Variants in GRIN2A observed in about 807,000 individuals in gnomAD.
GRIN2A encodes the protein glutamate receptor ionotropic, NMDA 2A.
Under a neutral mutation model 113.4 loss-of-function variants are expected in GRIN2A, and 22 were observed. The observed-to-expected ratio is 0.19, with a 90% confidence interval of 0.14 to 0.28. The LOEUF (loss-of-function observed/expected upper bound fraction) is 0.28, where lower values mean the gene tolerates loss of function less well. GRIN2A is among the 10% of genes least tolerant of loss of function. The pLI is 1.00. For missense variants in GRIN2A, 1,502 were observed against 1,887.0 expected, an observed-to-expected ratio of 0.80 and a Z score of 3.78; for synonymous variants, 827 against 738.4, an observed-to-expected ratio of 1.12 and a Z score of -1.94.
At chr16:9,840,305 TATAATA>T (rs970533594) in intron 7 of GRIN2A, among the ~76,000 whole-genome samples, 1 of 151,754 alleles carries the variant, frequency 6.6e-6, no homozygotes, top group African/African-American at 2.4e-5. Flanking sequence ...TTAAACCCCT[TATAATA>T]ATAATAATAT....
At chr16:10,154,863 T>C (rs987723644) in intron 2 of GRIN2A, among the ~76,000 whole-genome samples, 2 of 152,178 alleles carry the variant, frequency 1.3e-5, no homozygotes, top group Admixed American at 1.3e-4. Context: ...TGTTATATTT[T>C]AGCAATCAGG....
intron 10 of GRIN2A, among the ~76,000 whole-genome samples, chr16:9,800,967 G>T (rs1271521852): frequency 6.6e-6 from 1 of 152,192 alleles, no homozygotes; most frequent in Non-Finnish European, 1.5e-5. Flanking sequence ...GGAGTAGTAG[G>T]TGAAAGGAAC....
chr16:10,108,859 G>C (rs1029003808), intron 2 of GRIN2A, among the ~76,000 whole-genome samples: 1 of 151,950 alleles, frequency 6.6e-6, no homozygotes, highest in African/African-American at 2.4e-5. Context: ...ATAGACCTGA[G>C]GTAGAAAACA....
At chr16:9,975,457 G>A (rs1260794676) in intron 2 of GRIN2A, among the ~76,000 whole-genome samples, 1 of 152,170 alleles carries the variant, frequency 6.6e-6, no homozygotes, top group African/African-American at 2.4e-5. Flanking sequence ...CATTGCTGGA[G>A]GAGCTACATG....
intron 11 of GRIN2A, among the ~76,000 whole-genome samples, chr16:9,779,107 C>A (rs1246294308): frequency 6.6e-6 from 1 of 152,186 alleles, no homozygotes; most frequent in African/African-American, 2.4e-5. Context: ...GCGTGCGGGT[C>A]ACTTTAAGTT....
intron 2 of GRIN2A, among the ~76,000 whole-genome samples, chr16:10,010,332 C>T (rs12920291): frequency 0.3 from 45,669 of 152,136 alleles, 7,988 homozygotes; most frequent in Non-Finnish European, 0.39. Context: ...TTCAAGAGAA[C>T]CTTATTCCAC....
At chr16:9,868,902 C>G (rs1286067721) in intron 4 of GRIN2A, among the ~76,000 whole-genome samples, 2 of 152,198 alleles carry the variant, frequency 1.3e-5, no homozygotes, top group South Asian at 2.1e-4. Flanking sequence ...GCCTGGCACT[C>G]TCCTATGTGT....
chr16:10,091,069 A>C (rs2048175411), intron 2 of GRIN2A, among the ~76,000 whole-genome samples: 1 of 152,256 alleles, frequency 6.6e-6, no homozygotes, highest in Non-Finnish European at 1.5e-5. Context: ...ATTCACAGAA[A>C]CTGAAACCCT....
chr16:10,153,515 G>T (rs1329307819), intron 2 of GRIN2A, among the ~76,000 whole-genome samples: 19 of 152,072 alleles, frequency 1.2e-4, no homozygotes, highest in Non-Finnish European at 2.6e-4. Flanking sequence ...ATTTTTATAG[G>T]TATTTTATAA....
At chr16:9,889,325 T>C (rs1190835185) in intron 4 of GRIN2A, among the ~76,000 whole-genome samples, 1 of 152,194 alleles carries the variant, frequency 6.6e-6, no homozygotes, top group Non-Finnish European at 1.5e-5. Flanking sequence ...CCCTCTTGCA[T>C]TTTTAATATT....
In GRIN2A at chr16:9,981,579, T is replaced by C. The variant is rs186206921; in HGVS notation, c.415-43028A>G. 5.3e-3 allele frequency among the ~76,000 whole-genome samples: 800 copies of C among 152,292 alleles called. 10 individuals are homozygous for C. Among genetic ancestry groups the C allele is most frequent in the African/African-American group, 0.018 (763 of 41,552 alleles). On this transcript the variant is annotated intron_variant, in intron 2 of 12. Coordinates refer to ENST00000330684, the MANE Select transcript of GRIN2A (RefSeq NM_001134407.3). The stretch of plus-strand genomic sequence containing the variant: ...AGATATCATATCATTCATCTGTAAA[T>C]ATTTCAGTATACATCTCTAAAAGTC...
chr16:9,766,283 G>A (rs1322699465), intron 12 of GRIN2A, among the ~76,000 whole-genome samples: 2 of 152,174 alleles, frequency 1.3e-5, no homozygotes, highest in South Asian at 4.1e-4. Context: ...GGCTCCATCG[G>A]TCCCCCATGG....
At chr16:10,044,943 C>T (rs1341742025) in intron 2 of GRIN2A, among the ~76,000 whole-genome samples, 1 of 152,146 alleles carries the variant, frequency 6.6e-6, no homozygotes, top group African/African-American at 2.4e-5. Context: ...AAATGTGTTA[C>T]TATTCCCTAA....
intron 2 of GRIN2A, among the ~76,000 whole-genome samples, chr16:10,085,134 G>C (rs572430566): frequency 6.6e-6 from 1 of 152,204 alleles, no homozygotes; most frequent in Non-Finnish European, 1.5e-5. Flanking sequence ...ACAGAGTAAG[G>C]ATTTGTCAAC....
At chr16:9,921,049 G>A (rs2044349388) in intron 3 of GRIN2A, among the ~76,000 whole-genome samples, 1 of 152,080 alleles carries the variant, frequency 6.6e-6, no homozygotes, top group East Asian at 1.9e-4. Flanking sequence ...TAATTTAGAG[G>A]GAGTTGATGG....
intron 4 of GRIN2A, among the ~76,000 whole-genome samples, chr16:9,874,124 A>C (rs2141434044): frequency 6.6e-6 from 1 of 152,312 alleles, no homozygotes; most frequent in African/African-American, 2.4e-5. Context: ...AAGATGGCTC[A>C]GCCTCTACTC....
chr16:10,082,819 T>C (rs910544432), intron 2 of GRIN2A, among the ~76,000 whole-genome samples: 3 of 152,228 alleles, frequency 2.0e-5, no homozygotes, highest in Non-Finnish European at 4.4e-5. Flanking sequence ...GCAGTCAAGA[T>C]AGTGATGATG....
rs28450874 is a variant in GRIN2A, at chr16:10,081,919, T to G, written c.414+98079A>C. ...GAAAAATAAGCTCAAGGGCTCCAAG[T>G]AGAAATAGTTGTAGTCCTGGAGTCA... On this transcript the variant is annotated intron_variant, in intron 2 of 12. Transcript: ENST00000330684. 2.5e-3 allele frequency among the ~76,000 whole-genome samples: 388 copies of G among 152,290 alleles called. 1 individual carries two copies. The highest frequency in any genetic ancestry group is 8.9e-3 in the African/African-American group (369 of 41,564).
At chr16:10,141,315 C>T (rs1567328429) in intron 2 of GRIN2A, among the ~76,000 whole-genome samples, 1 of 151,638 alleles carries the variant, frequency 6.6e-6, no homozygotes, top group Non-Finnish European at 1.5e-5. Context: ...ATGGTGAAAC[C>T]CTGTCTCTAA....
Sources: allele counts gnomAD v4.1 joint callset (sites outside exome capture counted in the v4.1 genomes callset), GRCh38; gene constraint gnomAD v4.1.1; transcripts MANE v1.5; gene names NCBI Gene and HGNC (gene_info 2026-07-23, HGNC 2026-07-21).